EIF2AK4: variants seen among roughly 807,000 people sequenced by gnomAD.
EIF2AK4 encodes the protein eukaryotic translation initiation factor 2 alpha kinase 4.
In EIF2AK4, 139 loss-of-function variants were observed where a neutral mutation model predicts 211.1. The ratio of observed to expected loss-of-function variants is 0.66; its 90% CI spans 0.57 to 0.76. EIF2AK4 has a LOEUF of 0.76. Ranked by LOEUF, EIF2AK4 falls within the 30% of genes least tolerant of loss-of-function variation. The probability of loss-of-function intolerance (pLI) is 0.00; values close to 1 mark genes in which losing one functional copy is unlikely to be tolerated. For synonymous variants in EIF2AK4, 710 were observed against 751.3 expected (o/e 0.94, Z 0.90); for missense variants, 1,664 against 2,043.8 (o/e 0.81, Z 3.58).
chr15:40,024,660 A>G (rs1454224734), intron 32 of EIF2AK4, among the ~76,000 whole-genome samples: 1 of 148,952 alleles, frequency 6.7e-6, no homozygotes, highest in Non-Finnish European at 1.5e-5. Context: ...GGCTCCCCAA[A>G]GTGCTGGGAT....
chr15:39,966,661 C>T lies in EIF2AK4; in HGVS notation c.1018-683C>T, dbSNP rs570100672. On this transcript the variant is annotated intron_variant, in intron 8 of 38. Transcript: ENST00000263791. ...TACATAATAACAAGGTTTACAAAAA[C>T]GTAGATAAAGCATGGTGTTCAGAAA... Among the ~76,000 whole-genome samples, 3 of 152,082 alleles carry T rather than the reference C, an allele frequency of 2.0e-5. No individual in the cohort carries two copies. The East Asian group carries it at 5.8e-4, about 29-fold the overall frequency.
chr15:39,956,345 C>T (rs1240411375), intron 6 of EIF2AK4, among the ~76,000 whole-genome samples: 1 of 152,156 alleles, frequency 6.6e-6, no homozygotes, highest in Admixed American at 6.5e-5. Flanking sequence ...CACAAACTTG[C>T]CTTAGTACGA....
rs2034654483 is a variant in EIF2AK4, at chr15:39,973,655, T to A, written c.1724T>A (p.Phe575Tyr). ...IPSNRLPSAAFFSETQRQFSR... is the reference protein window; with the variant it reads ...IPSNRLPSAAYFSETQRQFSR... The stretch of plus-strand genomic sequence containing the variant: ...AGCAACCGGCTACCCAGTGCTGCCT[T>A]CTTTAGTGAGACACAGAGACAGTTT... Residue 575 changes from phenylalanine to tyrosine, a missense_variant, in exon 11 of 39, where the codon TTC (phenylalanine) becomes TAC (tyrosine). Phe to Tyr is a conservative substitution (Grantham distance 22, BLOSUM62 3). Coordinates refer to ENST00000263791, the MANE Select transcript of EIF2AK4 (RefSeq NM_001013703.4). 6.2e-7 allele frequency: 1 copy of A among 1,614,180 alleles called. No homozygotes were observed. The highest frequency in any genetic ancestry group is 8.5e-7 in the Non-Finnish European group (1 of 1,180,002).
intron 13 of EIF2AK4, among the ~76,000 whole-genome samples, chr15:39,979,778 C>T (rs1237056803): frequency 1.3e-5 from 2 of 152,150 alleles, no homozygotes; most frequent in African/African-American, 4.8e-5. Flanking sequence ...ACAGGCATTA[C>T]TTTTAGTCAG....
chr15:39,956,256 G>A (rs192379784), intron 6 of EIF2AK4, among the ~76,000 whole-genome samples: 149 of 151,922 alleles, frequency 9.8e-4, no homozygotes, highest in Non-Finnish European at 1.9e-3. Flanking sequence ...CACCCGCCTC[G>A]GCCTCCCAAA....
In EIF2AK4 at chr15:40,027,107, CAT is replaced by C. The variant is rs1178739996; in HGVS notation, c.4502+1021_4502+1022del. ...ATAACCCCATTACATGCTAACGTAACATATTTCTATTGAAAAACAACTGTTTT... is the reference window on the plus strand; with the variant it reads ...ATAACCCCATTACATGCTAACGTAACATTTCTATTGAAAAACAACTGTTTT... On this transcript the variant is annotated intron_variant, in intron 33 of 38. Transcript: ENST00000263791. 7.2e-5 allele frequency among the ~76,000 whole-genome samples: 11 copies of C among 152,294 alleles called. No individual in the cohort carries two copies. In the East Asian group the frequency reaches 2.1e-3, roughly 29 times the overall value.
intron 23 of EIF2AK4, among the ~76,000 whole-genome samples, chr15:40,006,018 G>C (rs749107342): frequency 4.0e-5 from 6 of 151,868 alleles, no homozygotes; most frequent in African/African-American, 1.5e-4. Flanking sequence ...ACTTGAACTT[G>C]TCACATTCAC....
chr15:40,020,273 A>G (rs563520090), intron 30 of EIF2AK4, among the ~76,000 whole-genome samples: 28 of 151,656 alleles, frequency 1.8e-4, no homozygotes, highest in African/African-American at 6.3e-4. Context: ...GTTTTCCTAG[A>G]GAAAAATGGT....
intron 29 of EIF2AK4, among the ~76,000 whole-genome samples, chr15:40,017,501 CTATATATATA>C (rs202237104): frequency 7.9e-3 from 205 of 26,032 alleles, no homozygotes; most frequent in Non-Finnish European, 0.01. Context: ...TACTCTGTTT[CTATATATATA>C]TATATATATA....
At chr15:39,980,572 G>T (rs2034767294) in intron 13 of EIF2AK4, among the ~76,000 whole-genome samples, 1 of 152,142 alleles carries the variant, frequency 6.6e-6, no homozygotes, top group Non-Finnish European at 1.5e-5. Context: ...ATACTAACCT[G>T]GACTTCTGAT....
chr15:39,997,116 C>CAA (rs762401635), intron 19 of EIF2AK4, 51 bp downstream of exon 19: 1 of 1,267,424 alleles, frequency 7.9e-7, no homozygotes, highest in Admixed American at 1.7e-5. Context: ...GGAATCTTAG[C>CAA]ACAGAGATCA....
At chr15:40,032,878 G>C in intron 37 of EIF2AK4, 77 bp downstream of exon 37, 2 of 1,270,202 alleles carry the variant, frequency 1.6e-6, no homozygotes, top group South Asian at 1.4e-5. Flanking sequence ...AAATACTGAA[G>C]ACGGCATTCA....
intron 25 of EIF2AK4, 48 bp from the exon 26 acceptor site, chr15:40,009,566 C>A: frequency 3.4e-6 from 4 of 1,188,604 alleles, no homozygotes; most frequent in East Asian, 2.4e-5. Flanking sequence ...GGTCATGTAC[C>A]AGTAATTGCT....
chr15:40,006,014 A>C (rs772818246), intron 23 of EIF2AK4, among the ~76,000 whole-genome samples: 15 of 152,180 alleles, frequency 9.9e-5, no homozygotes, highest in Admixed American at 4.6e-4. Context: ...CAAAACTTGA[A>C]CTTGTCACAT....
chr15:39,987,260 G>T (rs2034878761), intron 14 of EIF2AK4, among the ~76,000 whole-genome samples: 1 of 152,194 alleles, frequency 6.6e-6, no homozygotes. Flanking sequence ...CATCAGAGGG[G>T]GCCTTGTGAG....
chr15:39,958,192 C>T (rs181551716), intron 6 of EIF2AK4, among the ~76,000 whole-genome samples: 13 of 152,314 alleles, frequency 8.5e-5, no homozygotes, highest in Admixed American at 8.5e-4. Flanking sequence ...GGATGTTGCT[C>T]CTCATAAGTG....
Position 40,032,247 on chromosome 15 carries a change from TTTC to T in EIF2AK4, c.4728+13_4728+15del. ...AATTGAAATTCTGGCTGTAAGTGGC[TTTC>T]TTTAGTATTTTGAAGGTGGCTTCTG... On this transcript the variant is annotated intron_variant, in intron 36 of 38. Transcript: ENST00000263791. 3 of 1,613,608 alleles carry T rather than the reference TTTC, an allele frequency of 1.9e-6. No homozygotes were observed. The highest frequency in any genetic ancestry group is 3.3e-4 in the Middle Eastern group (2 of 6,062).
At position 39,961,139 on chromosome 15, in the gene EIF2AK4, C is replaced by T. The variant is rs117335161; in HGVS notation, c.744-645C>T. On this transcript the variant is annotated intron_variant, in intron 6 of 38. Transcript: ENST00000263791. ...TAGAAAAAAAGAAAGAGAGGAGAGG[C>T]TGGGTTTTAAGTGTTTTGGAGAAGT... is the stretch of plus-strand genomic sequence containing the variant. Among the ~76,000 whole-genome samples the T allele has an allele frequency of 2.4e-3, 359 of 152,178 alleles. 4 individuals are homozygous for T. Among genetic ancestry groups the T allele is most frequent in the East Asian group, 0.018 (91 of 5,166 alleles).
intron 30 of EIF2AK4, 180 bp from the exon 31 acceptor site, chr15:40,020,719 G>C (rs2035374810): frequency 2.5e-6 from 1 of 398,018 alleles, no homozygotes. Flanking sequence ...GTTTGAGTGT[G>C]TCTTTTTTTT....
Sources: gnomAD v4.1 joint callset for allele counts (sites outside exome capture counted in the v4.1 genomes callset) on GRCh38, gnomAD v4.1.1 for gene constraint, MANE v1.5 for transcripts, NCBI Gene and HGNC (gene_info 2026-07-23, HGNC 2026-07-21) for gene names.